PRKD3: variants seen among roughly 807,000 people sequenced by gnomAD.
PRKD3 encodes the protein serine/threonine-protein kinase D3.
PRKD3 carries 47 observed loss-of-function variants against 99.2 expected under a neutral mutation model. The ratio of observed to expected loss-of-function variants is 0.47; its 90% CI spans 0.38 to 0.60. The LOEUF (loss-of-function observed/expected upper bound fraction) is 0.60. PRKD3 is among the 20% of genes least tolerant of loss of function. The pLI, the probability that PRKD3 is intolerant of heterozygous loss-of-function variation, is 0.00. For synonymous variants in PRKD3, 392 were observed against 355.4 expected (o/e 1.10, Z -1.16); for missense variants, 1,019 against 1,088.4 (o/e 0.94, Z 0.90).
At chr2:37,271,374 A>G in intron 12 of PRKD3, among the ~76,000 whole-genome samples, 1 of 152,350 alleles carries the variant, frequency 6.6e-6, no homozygotes, top group East Asian at 1.9e-4. Context: ...TAAATATTAA[A>G]TGAAATTCAA....
At chr2:37,318,243 C>G (rs1447266081) in intron 1 of PRKD3, among the ~76,000 whole-genome samples, 2 of 152,102 alleles carry the variant, frequency 1.3e-5, no homozygotes, top group African/African-American at 4.8e-5. Context: ...TTAAAAAAAA[C>G]TGAAGATGAA....
chr2:37,282,433 C>A (rs1440062600), intron 7 of PRKD3, 109 bp downstream of exon 7: 12 of 739,952 alleles, frequency 1.6e-5, no homozygotes. Context: ...AGAAGAAAAT[C>A]TTTAAGAAAC....
At chr2:37,312,872 C>T (rs1362893057) in intron 2 of PRKD3, among the ~76,000 whole-genome samples, 1 of 152,156 alleles carries the variant, frequency 6.6e-6, no homozygotes, top group East Asian at 1.9e-4. Context: ...AAAGGTTCCA[C>T]TAGGTCCTAC....
chr2:37,312,911 T>G (rs1459949344), intron 2 of PRKD3, among the ~76,000 whole-genome samples: 1 of 152,192 alleles, frequency 6.6e-6, no homozygotes, highest in Non-Finnish European at 1.5e-5. Flanking sequence ...ATTAGCTAAT[T>G]CAGTGTTCTC....
chr2:37,292,252 T>G lies in PRKD3; in HGVS notation c.427+881A>C, dbSNP rs1426151255. 2.0e-5 allele frequency among the ~76,000 whole-genome samples: 3 copies of G among 152,232 alleles called. No individual in the cohort carries two copies. In the East Asian group the frequency reaches 5.8e-4, roughly 29 times the overall value. ...AATTTCAGTGTAACTGTTTTATTTC[T>G]TTGACTCAGAGAAGAGTATATTTCT... On this transcript the variant is annotated intron_variant, in intron 3 of 18. Transcript: ENST00000234179.
rs747281265 is a variant in PRKD3, at chr2:37,274,592, C to T, written c.1480G>A (p.Val494Ile). Reference protein sequence around the residue: ...HCFEIITDTMVYFVGENNGDS... With the variant: ...HCFEIITDTMIYFVGENNGDS... ...CCATTGTTCTCACCAACGAAGTATA[C>T]CATAGTATCAGTAATGATTTCAAAA... The change falls in exon 11 of 19, where the codon GTA becomes ATA. Residue 494 changes from valine (V) to isoleucine (I), a missense_variant. Val to Ile is a conservative substitution (Grantham distance 29, BLOSUM62 3). Around this residue, in one of 3 missense-constraint regions of PRKD3, gnomAD observed 710 missense variants for 692.7 expected, o/e 1.02. Transcript: ENST00000234179. 1.2e-6 allele frequency: 2 copies of T among 1,614,082 alleles called. No homozygotes were observed. Among genetic ancestry groups the T allele is most frequent in the Non-Finnish European group, 8.5e-7 (1 of 1,179,970 alleles).
intron 2 of PRKD3, among the ~76,000 whole-genome samples, chr2:37,297,874 T>G (rs963161271): frequency 6.6e-6 from 1 of 152,158 alleles, no homozygotes; most frequent in Non-Finnish European, 1.5e-5. Context: ...GTTTCTCCAC[T>G]GCAAAACTAC....
chr2:37,267,227 A>C (rs1248702021), intron 14 of PRKD3, among the ~76,000 whole-genome samples: 1 of 152,120 alleles, frequency 6.6e-6, no homozygotes, highest in African/African-American at 2.4e-5. Flanking sequence ...TTAAGAATGA[A>C]ATTTTACTTT....
chr2:37,301,045 A>G (rs1276898841), intron 2 of PRKD3, among the ~76,000 whole-genome samples: 1 of 152,118 alleles, frequency 6.6e-6, no homozygotes, highest in Non-Finnish European at 1.5e-5. Context: ...GAAGTTGAAC[A>G]TTTTTCACAT....
intron 4 of PRKD3, among the ~76,000 whole-genome samples, chr2:37,290,421 A>T (rs1161120217): frequency 6.6e-6 from 1 of 152,138 alleles, no homozygotes; most frequent in East Asian, 1.9e-4. Flanking sequence ...TTTAGTAGAG[A>T]CAGGGTTTCG....
At chr2:37,308,038 C>A (rs940391811) in intron 2 of PRKD3, among the ~76,000 whole-genome samples, 2 of 152,222 alleles carry the variant, frequency 1.3e-5, no homozygotes, top group Non-Finnish European at 2.9e-5. Flanking sequence ...CAACTTAACA[C>A]GATACCTAAA....
intron 17 of PRKD3, among the ~76,000 whole-genome samples, chr2:37,255,938 C>T (rs1239338138): frequency 3.9e-5 from 6 of 152,066 alleles, no homozygotes; most frequent in African/African-American, 1.4e-4. Context: ...CACTTGAGCC[C>T]AGGAAGTCGA....
intron 14 of PRKD3, among the ~76,000 whole-genome samples, chr2:37,262,335 C>A (rs1023074092): frequency 6.6e-6 from 1 of 152,078 alleles, no homozygotes; most frequent in Middle Eastern, 3.2e-3. Context: ...GTATTCTACT[C>A]CATTGTTTAA....
chr2:37,257,775 A>G (rs76103343), intron 16 of PRKD3, among the ~76,000 whole-genome samples: 3,371 of 152,234 alleles, frequency 0.022, 57 homozygotes, highest in Middle Eastern at 0.034. Flanking sequence ...TGGCAAGTAA[A>G]TAAAACTGAG....
rs367996094 is a variant in PRKD3, at chr2:37,310,295, T to C, written c.288+5942A>G. 5.1e-4 allele frequency among the ~76,000 whole-genome samples: 78 copies of C among 152,330 alleles called. 1 individual carries two copies. In the Middle Eastern group the frequency reaches 0.017, roughly 33 times the overall value. On this transcript the variant is annotated intron_variant, in intron 2 of 18. Transcript: ENST00000234179. The stretch of plus-strand genomic sequence containing the variant: ...CTAAGATCAGATTAATACATAATAA[T>C]ATTGATTAGCTAGCATATACTGTGT...
chr2:37,315,868 G>A (rs1572706101), intron 2 of PRKD3, among the ~76,000 whole-genome samples: 2 of 152,260 alleles, frequency 1.3e-5, no homozygotes, highest in South Asian at 2.1e-4. Flanking sequence ...TGGACTACAG[G>A]TGCCTGCCAC....
chr2:37,261,962 TA>T (rs1221829674), intron 14 of PRKD3, among the ~76,000 whole-genome samples: 11 of 152,330 alleles, frequency 7.2e-5, no homozygotes, highest in African/African-American at 2.6e-4. Flanking sequence ...CACATTAGTG[TA>T]AAATGGTCTT....
At chr2:37,308,825 GT>G (rs67130028) in intron 2 of PRKD3, among the ~76,000 whole-genome samples, 7 of 148,418 alleles carry the variant, frequency 4.7e-5, no homozygotes, top group African/African-American at 7.4e-5. Flanking sequence ...TTTAAGCTCT[GT>G]TTTTTTTTTG....
chr2:37,270,246 G>A (rs1330180039), intron 12 of PRKD3, among the ~76,000 whole-genome samples: 1 of 148,132 alleles, frequency 6.8e-6, no homozygotes, highest in Non-Finnish European at 1.5e-5. Flanking sequence ...AAAAAATCTT[G>A]TATTTATTAA....
Sources: allele counts gnomAD v4.1 joint callset (sites outside exome capture counted in the v4.1 genomes callset), GRCh38; gene constraint gnomAD v4.1.1; regional missense constraint gnomAD v4.1.1; transcripts MANE v1.5; gene names NCBI Gene and HGNC (gene_info 2026-07-23, HGNC 2026-07-21).